The following CLYBL variants were observed in gnomAD, a reference collection of about 807,000 sequenced individuals.
The protein encoded by CLYBL is citramalyl-CoA lyase, mitochondrial.
A neutral mutation model predicts 38.9 loss-of-function variants in CLYBL; 31 were observed. The observed-to-expected ratio is 0.80, with a 90% CI of 0.60 to 1.08. CLYBL has a LOEUF of 1.08. Ranked by LOEUF, CLYBL falls within the 50% of genes least tolerant of loss-of-function variation. CLYBL has a pLI of 0.00. For missense variants in CLYBL, 434 were observed against 411.6 expected, an observed-to-expected ratio of 1.05 and a Z score of -0.47; for synonymous variants, 171 against 158.6, an observed-to-expected ratio of 1.08 and a Z score of -0.59.
intron 1 of CLYBL, among the ~76,000 whole-genome samples, chr13:99,676,240 T>TTCCTTCCTTCCTTC (rs1566606854): frequency 8.9e-4 from 75 of 84,282 alleles, no homozygotes; most frequent in Middle Eastern, 6.8e-3. Flanking sequence ...TTCCTTCCTT[T>TTCCTTCCTTCCTTC]CCTCCCTTTC....
At chr13:99,675,796 G>A (rs1425844275) in intron 1 of CLYBL, among the ~76,000 whole-genome samples, 1 of 152,166 alleles carries the variant, frequency 6.6e-6, no homozygotes, top group Non-Finnish European at 1.5e-5. Flanking sequence ...TGGAAATTTA[G>A]GTTGTTTCTA....
chr13:99,881,190 T>C (rs72656005), intron 7 of CLYBL, among the ~76,000 whole-genome samples: 5 of 152,270 alleles, frequency 3.3e-5, no homozygotes, highest in East Asian at 3.9e-4. Context: ...ATTAGCACAA[T>C]GTGAATTGGT....
intron 2 of CLYBL, among the ~76,000 whole-genome samples, chr13:99,852,720 A>C (rs1017163991): frequency 5.4e-4 from 46 of 84,406 alleles, no homozygotes; most frequent in Non-Finnish European, 7.9e-4. Flanking sequence ...TCAGTGTTTT[A>C]GGGTGCTTTC....
At chr13:99,847,372 C>T (rs1212808398) in intron 2 of CLYBL, among the ~76,000 whole-genome samples, 5 of 152,206 alleles carry the variant, frequency 3.3e-5, no homozygotes, top group African/African-American at 9.6e-5. Flanking sequence ...TATTCTCCCA[C>T]GCAGACTGAG....
chr13:99,904,922 C>T (rs537002743), intron 8 of CLYBL, among the ~76,000 whole-genome samples: 1 of 152,294 alleles, frequency 6.6e-6, no homozygotes, highest in Admixed American at 6.5e-5. Context: ...GGGAGCTCAG[C>T]GGGCTTTGAG....
rs200830971 is a variant in CLYBL at position 99,777,496 on chromosome 13, C to CTTTT, written c.249+4496_249+4499dup. 4.2e-5 allele frequency among the ~76,000 whole-genome samples: 6 copies of CTTTT among 143,252 alleles called. No homozygotes were observed. In the East Asian group the frequency reaches 1.0e-3, roughly 24 times the overall value. The allele number at this position is 143,252 out of a possible 152,430, so 94.0% of individuals were successfully genotyped here. ...TTCTTTCTTCCTTTTCTTTTCTTTTCTTTTTTTTTTTTTGAGACAGAGTTT... is the reference window on the plus strand; with the variant it reads ...TTCTTTCTTCCTTTTCTTTTCTTTTCTTTTTTTTTTTTTTTTTGAGACAGAGTTT... On this transcript the variant is annotated intron_variant, in intron 2 of 8. Coordinates refer to ENST00000339105, the MANE Select transcript of CLYBL (RefSeq NM_206808.5).
At chr13:99,741,643 G>A (rs1343249296) in intron 1 of CLYBL, among the ~76,000 whole-genome samples, 3 of 152,202 alleles carry the variant, frequency 2.0e-5, no homozygotes, top group African/African-American at 7.2e-5. Flanking sequence ...TCTAGTCCGC[G>A]TTCAAGTATT....
intron 1 of CLYBL, among the ~76,000 whole-genome samples, chr13:99,671,905 T>C (rs755310584): frequency 1.6e-4 from 25 of 152,156 alleles, no homozygotes; most frequent in Non-Finnish European, 3.1e-4. Flanking sequence ...CGTCCCTGAC[T>C]TGTGCACCTC....
chr13:99,850,000 A>C lies in CLYBL; in HGVS notation c.250-8861A>C, dbSNP rs2051294794. The stretch of plus-strand genomic sequence containing the variant: ...CACCATATACAAATATATATACTCA[A>C]AATGTATTAAAGACCTAAATGTTAT... On this transcript the variant is annotated intron_variant, in intron 2 of 8. Transcript: ENST00000339105. This position sits in a 1 kb window ranked among gnomAD's most constrained non-coding sequence, Gnocchi z 4.9. Among the ~76,000 whole-genome samples the C allele has an allele frequency of 6.6e-6, 1 of 152,232 alleles. No individual in the cohort carries two copies. The highest frequency in any genetic ancestry group is 6.5e-5 in the Admixed American group (1 of 15,282).
intron 2 of CLYBL, among the ~76,000 whole-genome samples, chr13:99,819,155 G>A (rs1401857815): frequency 6.6e-6 from 1 of 151,468 alleles, no homozygotes; most frequent in East Asian, 1.9e-4. Flanking sequence ...AAACCAGCCT[G>A]GTCAACATAA....
At chr13:99,630,233 T>G (rs531266611) in intron 1 of CLYBL, among the ~76,000 whole-genome samples, 1 of 152,196 alleles carries the variant, frequency 6.6e-6, no homozygotes, top group Non-Finnish European at 1.5e-5. Context: ...AAGCAATGCT[T>G]TTTTCAGAGA....
chr13:99,892,682 G>A (rs1320406723), downstream of CLYBL: 2 of 152,556 alleles, frequency 1.3e-5, no homozygotes, highest in African/African-American at 2.4e-5. Context: ...CAAACACCGC[G>A]GGGAAGGCTG....
At chr13:99,756,504 G>A (rs1224767857) in intron 1 of CLYBL, among the ~76,000 whole-genome samples, 9 of 152,216 alleles carry the variant, frequency 5.9e-5, no homozygotes, top group African/African-American at 9.6e-5. Flanking sequence ...AAGCAAGCTT[G>A]TCCAACCTGT....
chr13:99,801,565 A>T (rs1421074306), intron 2 of CLYBL, among the ~76,000 whole-genome samples: 3 of 152,204 alleles, frequency 2.0e-5, no homozygotes, highest in Middle Eastern at 3.2e-3. Context: ...TATTTCTTGG[A>T]AAAGCAAAAT....
intron 1 of CLYBL, among the ~76,000 whole-genome samples, chr13:99,701,112 G>A (rs1031262472): frequency 3.9e-5 from 6 of 152,150 alleles, no homozygotes; most frequent in African/African-American, 1.4e-4. Context: ...GACAGCCTTG[G>A]GTGCCCTCAG....
At chr13:99,867,496 A>G (rs1209687151) in intron 6 of CLYBL, among the ~76,000 whole-genome samples, 1 of 152,094 alleles carries the variant, frequency 6.6e-6, no homozygotes, top group Non-Finnish European at 1.5e-5. Flanking sequence ...TAAAATAAAT[A>G]TGACCCCCCC....
chr13:99,834,383 C>T (rs2050887890), intron 2 of CLYBL, among the ~76,000 whole-genome samples: 1 of 152,154 alleles, frequency 6.6e-6, no homozygotes, highest in Non-Finnish European at 1.5e-5. Flanking sequence ...AGTCCTGACT[C>T]ATATAGGGGG....
intron 2 of CLYBL, among the ~76,000 whole-genome samples, chr13:99,783,597 C>A (rs1361205450): frequency 6.6e-6 from 1 of 151,960 alleles, no homozygotes; most frequent in Non-Finnish European, 1.5e-5. Flanking sequence ...GGTGGGACTA[C>A]AGGCGCCTGC....
At chr13:99,811,369 GTAA>G (rs2050338174) in intron 2 of CLYBL, among the ~76,000 whole-genome samples, 1 of 152,230 alleles carries the variant, frequency 6.6e-6, no homozygotes, top group Non-Finnish European at 1.5e-5. Flanking sequence ...CAGCCAGGCA[GTAA>G]TAATAAAACC....
Sources: allele counts gnomAD v4.1 joint callset (sites outside exome capture counted in the v4.1 genomes callset), GRCh38; gene constraint gnomAD v4.1.1; non-coding constraint Gnocchi (gnomAD v3.1); transcripts MANE v1.5; gene names NCBI Gene and HGNC (gene_info 2026-07-23, HGNC 2026-07-21).